The following AKR1C8 variants were observed in gnomAD, a reference collection of about 807,000 sequenced individuals.
AKR1C8 encodes aldo-keto reductase family 1 member C8.
chr10:5,138,218 A>G, the AKR1C8 span, among the ~76,000 whole-genome samples: 6 of 152,122 alleles, frequency 3.9e-5, no homozygotes, highest in African/African-American at 1.4e-4. Flanking sequence ...ACCAGGGTGT[A>G]TCTCAGCCCT....
At chr10:5,132,643 C>T in the AKR1C8 span, 1 of 1,591,786 alleles carries the variant, frequency 6.3e-7, no homozygotes, top group Non-Finnish European at 8.6e-7. Context: ...ACACTGTCAT[C>T]TGCAATCTTG....
chr10:5,158,567 C>G, the AKR1C8 span: 1 of 430,522 alleles, frequency 2.3e-6, no homozygotes. Flanking sequence ...GCAGAATTCC[C>G]GCCATAGGTT....
the AKR1C8 span, among the ~76,000 whole-genome samples, chr10:5,135,510 T>C: frequency 1.6e-4 from 9 of 54,788 alleles, no homozygotes; most frequent in Admixed American, 8.4e-4. Flanking sequence ...CCATCTGGAA[T>C]CTATCTATCT....
the AKR1C8 span, chr10:5,161,565 C>T: frequency 2.6e-6 from 1 of 384,762 alleles, no homozygotes; most frequent in Admixed American, 3.4e-5. Context: ...TTCAGGAACA[C>T]AAGCACTGAG....
chr10:5,162,251 A>T, the AKR1C8 span, among the ~76,000 whole-genome samples: 3 of 152,344 alleles, frequency 2.0e-5, no homozygotes, highest in South Asian at 6.2e-4. Flanking sequence ...GGATTAGAGG[A>T]TTCATCCACC....
chr10:5,129,856 C>T, the AKR1C8 span, among the ~76,000 whole-genome samples: 143 of 151,950 alleles, frequency 9.4e-4, 2 homozygotes, highest in African/African-American at 3.3e-3. Flanking sequence ...GAAGTTGGTA[C>T]GAATCCTACT....
At chr10:5,136,205 T>C in the AKR1C8 span, among the ~76,000 whole-genome samples, 228 of 152,322 alleles carry the variant, frequency 1.5e-3, 1 homozygote, top group African/African-American at 5.1e-3. Context: ...TGAATAATCC[T>C]CACATGCCTT....
chr10:5,172,222 C>T, the AKR1C8 span, among the ~76,000 whole-genome samples: 1 of 152,060 alleles, frequency 6.6e-6, no homozygotes, highest in Admixed American at 6.6e-5. Flanking sequence ...ACATTTCTTG[C>T]ATAAATTCTC....
chr10:5,118,572 C>A, the AKR1C8 span, among the ~76,000 whole-genome samples: 6 of 152,092 alleles, frequency 3.9e-5, no homozygotes, highest in Non-Finnish European at 8.8e-5. Context: ...TATGACCTAC[C>A]TTGGGGAAGA....
the AKR1C8 span, among the ~76,000 whole-genome samples, chr10:5,137,630 G>A: frequency 1.1e-4 from 17 of 152,216 alleles, no homozygotes; most frequent in African/African-American, 4.1e-4. Context: ...ATACTGAATG[G>A]GCAAAAACTG....
At chr10:5,165,262 AG>A in the AKR1C8 span, among the ~76,000 whole-genome samples, 1 of 152,076 alleles carries the variant, frequency 6.6e-6, no homozygotes, top group African/African-American at 2.4e-5. Flanking sequence ...GAAGCAAATT[AG>A]TTTTTTTTCC....
At chr10:5,155,928 T>C in the AKR1C8 span, among the ~76,000 whole-genome samples, 1 of 152,176 alleles carries the variant, frequency 6.6e-6, no homozygotes, top group Non-Finnish European at 1.5e-5. Context: ...TGAGACCTCT[T>C]CCACCTTCAT....
At chr10:5,129,003 T>C in the AKR1C8 span, among the ~76,000 whole-genome samples, 2 of 152,116 alleles carry the variant, frequency 1.3e-5, no homozygotes, top group Non-Finnish European at 2.9e-5. Context: ...ACATGGAACA[T>C]TCTCCAAGAT....
chr10:5,168,484 T>C, the AKR1C8 span, among the ~76,000 whole-genome samples: 19 of 152,162 alleles, frequency 1.2e-4, no homozygotes, highest in South Asian at 2.3e-3. Flanking sequence ...ACAGTCCAGA[T>C]TCCTTTTTCA....
the AKR1C8 span, among the ~76,000 whole-genome samples, chr10:5,171,150 T>G: frequency 1.4e-4 from 22 of 152,114 alleles, no homozygotes; most frequent in Non-Finnish European, 2.8e-4. Flanking sequence ...TTTCCTCTAT[T>G]TTGATGTTAC....
At chr10:5,163,276 A>G in the AKR1C8 span, among the ~76,000 whole-genome samples, 2 of 152,210 alleles carry the variant, frequency 1.3e-5, no homozygotes, top group Non-Finnish European at 2.9e-5. Context: ...AATCAACTGT[A>G]GAAATTGAAT....
chr10:5,139,654 C>G, the AKR1C8 span, among the ~76,000 whole-genome samples: 1 of 152,078 alleles, frequency 6.6e-6, no homozygotes, highest in African/African-American at 2.4e-5. Context: ...ATTAATTCAA[C>G]ATGGATTAAA....
the AKR1C8 span, among the ~76,000 whole-genome samples, chr10:5,167,401 T>C: frequency 3.9e-5 from 6 of 152,318 alleles, no homozygotes; most frequent in South Asian, 2.1e-4. Context: ...CCAACAATGA[T>C]AGACTGGATT....
chr10:5,158,826 A>T, the AKR1C8 span: 1 of 404,836 alleles, frequency 2.5e-6, no homozygotes, highest in South Asian at 1.9e-5. Context: ...TATACTTTTC[A>T]TGTTGGCCCT....
Sources: gnomAD v4.1 joint callset for allele counts (sites outside exome capture counted in the v4.1 genomes callset) on GRCh38, gnomAD v4.1.1 for gene constraint, MANE v1.5 for transcripts, NCBI Gene and HGNC (gene_info 2026-07-23, HGNC 2026-07-21) for gene names.